Variants in MEIS1 observed in about 807,000 individuals in gnomAD.
The protein encoded by MEIS1 is Meis homeobox 1.
In MEIS1, 5 loss-of-function variants were observed where a neutral mutation model predicts 50.8. That is an observed-to-expected ratio of 0.10 (90% confidence interval 0.05 to 0.21). The LOEUF is 0.21. Ranked by LOEUF, MEIS1 falls within the 10% of genes least tolerant of loss-of-function variation. The pLI is 1.00. For missense variants in MEIS1, 318 were observed against 517.3 expected (o/e 0.61, Z 3.74); for synonymous variants, 176 against 179.3 (o/e 0.98, Z 0.15).
chr2:66,479,659 G>C (rs888608855), intron 7 of MEIS1, among the ~76,000 whole-genome samples: 2 of 152,154 alleles, frequency 1.3e-5, no homozygotes, highest in Non-Finnish European at 2.9e-5. Context: ...AGTGTCATTG[G>C]TTAATATGAT....
rs577553478 is a variant in MEIS1, at chr2:66,474,770, A to G, written c.742+10550A>G. Among the ~76,000 whole-genome samples the G allele has an allele frequency of 2.3e-3, 352 of 152,320 alleles. 2 individuals are homozygous for G. The highest frequency in any genetic ancestry group is 3.4e-3 in the Middle Eastern group (1 of 294). Reference sequence around the variant, plus strand: ...GGCTTTCTCCCTCTTACCAATATCAATTCATATGCATTCCCTCCTAACGTT... The same window carrying G: ...GGCTTTCTCCCTCTTACCAATATCAGTTCATATGCATTCCCTCCTAACGTT... On this transcript the variant is annotated intron_variant, in intron 7 of 12. Coordinates refer to ENST00000272369, the MANE Select transcript of MEIS1 (RefSeq NM_002398.3).
rs567572809 is a variant in MEIS1, at chr2:66,498,521, C to T, written c.743-13628C>T. Among the ~76,000 whole-genome samples, 10 of 152,212 alleles carry T rather than the reference C, an allele frequency of 6.6e-5. No individual in the cohort carries two copies. In the East Asian group the frequency reaches 1.7e-3, roughly 27 times the overall value. On this transcript the variant is annotated intron_variant, in intron 7 of 12. Coordinates refer to ENST00000272369, the MANE Select transcript of MEIS1 (RefSeq NM_002398.3). ...GTTGAGGAGATAAAGGGGAGAGAGG[C>T]CTGCAGTGCTAACAGGAGGAGCTGG...
intron 9 of MEIS1, among the ~76,000 whole-genome samples, chr2:66,558,794 C>T (rs886077979): frequency 2.0e-5 from 3 of 152,044 alleles, no homozygotes; most frequent in Non-Finnish European, 2.9e-5. Flanking sequence ...CAGGCAAGAT[C>T]CTAGAGAAAG....
chr2:66,449,808 G>A (rs575599844), intron 6 of MEIS1, among the ~76,000 whole-genome samples: 1 of 152,198 alleles, frequency 6.6e-6, no homozygotes, highest in African/African-American at 2.4e-5. Context: ...ATATGTTCTT[G>A]TTAAAGGAAA....
chr2:66,549,051 C>T (rs905540199), intron 9 of MEIS1, among the ~76,000 whole-genome samples: 13 of 152,164 alleles, frequency 8.5e-5, no homozygotes, highest in Non-Finnish European at 1.5e-4. Flanking sequence ...TTAACAGACC[C>T]TTCTCTGTTA....
At chr2:66,477,021 G>A (rs1414938236) in intron 7 of MEIS1, among the ~76,000 whole-genome samples, 4 of 152,102 alleles carry the variant, frequency 2.6e-5, no homozygotes, top group Non-Finnish European at 5.9e-5. Flanking sequence ...CTGAGGTAAG[G>A]CCCAAGAGGT....
At chr2:66,484,647 C>T (rs142108272) in intron 7 of MEIS1, among the ~76,000 whole-genome samples, 3,586 of 152,194 alleles carry the variant, frequency 0.024, 147 homozygotes, top group African/African-American at 0.081. Context: ...CAACCTCTCC[C>T]TCCTGGGTTC....
chr2:66,458,615 A>G (rs962182290), intron 6 of MEIS1, among the ~76,000 whole-genome samples: 2 of 152,214 alleles, frequency 1.3e-5, no homozygotes, highest in African/African-American at 4.8e-5. Context: ...ATCCTCATTT[A>G]CAGATGAGGA....
At chr2:66,546,200 A>T (rs558607141) in intron 8 of MEIS1, among the ~76,000 whole-genome samples, 1 of 152,238 alleles carries the variant, frequency 6.6e-6, no homozygotes, top group African/African-American at 2.4e-5. Flanking sequence ...GGGTGCTGGG[A>T]GGTGGGGAGG....
chr2:66,524,799 T>A (rs755570441), intron 8 of MEIS1, among the ~76,000 whole-genome samples: 16 of 152,184 alleles, frequency 1.1e-4, no homozygotes, highest in Non-Finnish European at 1.9e-4. Flanking sequence ...AATGAACACA[T>A]CTGGAGTTTT....
chr2:66,555,269 TCTCTCTCTCTC>T (rs112370900), intron 9 of MEIS1, among the ~76,000 whole-genome samples: 1 of 27,178 alleles, frequency 3.7e-5, no homozygotes, highest in African/African-American at 9.1e-5. Flanking sequence ...TCTCTCTCTC[TCTCTCTCTCTC>T]GTCTCTCTCC....
At chr2:66,555,329 T>C (rs1268104986) in intron 9 of MEIS1, among the ~76,000 whole-genome samples, 1 of 127,804 alleles carries the variant, frequency 7.8e-6, no homozygotes, top group Admixed American at 9.2e-5. Flanking sequence ...TTGGCTCCAC[T>C]CCAAGCATAC....
chr2:66,505,762 G>A (rs1036619623), intron 7 of MEIS1, among the ~76,000 whole-genome samples: 1 of 152,184 alleles, frequency 6.6e-6, no homozygotes, highest in Non-Finnish European at 1.5e-5. Context: ...ATTGCAGAAA[G>A]TAGTGATATA....
In MEIS1 at chr2:66,564,870, C is replaced by T. The variant is rs1265821547; in HGVS notation, c.966-2583C>T. Among the ~76,000 whole-genome samples, 5 of 151,386 alleles carry T rather than the reference C, an allele frequency of 3.3e-5. No homozygotes were observed. The South Asian group carries it at 6.4e-4, about 19-fold the overall frequency. Reference sequence around the variant, plus strand: ...TATATCTCCTAATGCTATCCCTTCCCCCTCCCCCTGTAATTGTTGTTTTTG... The same window carrying T: ...TATATCTCCTAATGCTATCCCTTCCTCCTCCCCCTGTAATTGTTGTTTTTG... On this transcript the variant is annotated intron_variant, in intron 9 of 12. Transcript: ENST00000272369.
intron 8 of MEIS1, among the ~76,000 whole-genome samples, chr2:66,533,252 G>A (rs1191196814): frequency 6.6e-6 from 1 of 152,118 alleles, no homozygotes; most frequent in Non-Finnish European, 1.5e-5. Flanking sequence ...AAAGACAAAG[G>A]CTCTCAACAT....
chr2:66,440,647 C>T (rs1202343119), intron 4 of MEIS1, 35 bp downstream of exon 4: 6 of 1,412,692 alleles, frequency 4.2e-6, no homozygotes, highest in Non-Finnish European at 5.8e-6. Flanking sequence ...CCCCCGCCCC[C>T]GACCCCCTAC....
chr2:66,510,540 T>G (rs1419381094), intron 7 of MEIS1, among the ~76,000 whole-genome samples: 6 of 152,196 alleles, frequency 3.9e-5, no homozygotes, highest in African/African-American at 1.4e-4. Flanking sequence ...AATTACAGAT[T>G]TTTAATGAAT....
chr2:66,511,743 A>G (rs576161354), intron 7 of MEIS1, among the ~76,000 whole-genome samples: 4 of 152,358 alleles, frequency 2.6e-5, no homozygotes, highest in South Asian at 2.1e-4. Context: ...TCACAAGTCA[A>G]TGTCAATGAC....
intron 8 of MEIS1, among the ~76,000 whole-genome samples, chr2:66,536,245 CT>C (rs1674515337): frequency 6.6e-6 from 1 of 152,154 alleles, no homozygotes; most frequent in Non-Finnish European, 1.5e-5. Flanking sequence ...AATTTACATA[CT>C]TTTAAAGAAT....
Sources: allele counts gnomAD v4.1 joint callset (sites outside exome capture counted in the v4.1 genomes callset), GRCh38; gene constraint gnomAD v4.1.1; transcripts MANE v1.5; gene names NCBI Gene and HGNC (gene_info 2026-07-23, HGNC 2026-07-21).